The following ADGRG2 variants were observed in gnomAD, a reference collection of about 807,000 sequenced individuals.
ADGRG2 encodes adhesion G protein-coupled receptor G2.
In ADGRG2, 26 loss-of-function variants were observed where a neutral mutation model predicts 74.1. The observed-to-expected ratio is 0.35, with a 90% CI of 0.26 to 0.49. The LOEUF (loss-of-function observed/expected upper bound fraction) is 0.49. Among genes scored for constraint, ADGRG2 ranks in the 20% least tolerant of loss-of-function variants. The pLI is 0.99. For synonymous variants in ADGRG2, 296 were observed against 295.2 expected, an observed-to-expected ratio of 1.00 and a Z score of -0.03; for missense variants, 619 against 763.1, an observed-to-expected ratio of 0.81 and a Z score of 2.22.
At chrX:19,016,845 G>A (rs2060482232) in intron 15 of ADGRG2, among the ~76,000 whole-genome samples, 1 of 108,356 alleles carries the variant, frequency 9.2e-6, no homozygotes, top group African/African-American at 3.3e-5. Flanking sequence ...TCCTACCTCA[G>A]TCTCCCAAGC....
rs749507544 is a variant in ADGRG2 at position 19,003,044 on chromosome X, C to T, written c.2032G>A (p.Val678Ile). ...LCAALLLLNL[V>I]FLLDSWIALY... ...GCAATCCACGAGTCCAGGAGGAAGA[C>T]CAGGTTCAGCAGAAGCAGAGCAGCA... The change falls in exon 24 of 29, where the codon GTC becomes ATC. Residue 678 changes from valine to isoleucine, a missense_variant. Physicochemically the swap from Val to Ile is conservative, Grantham distance 29. This residue lies in a region of ADGRG2 where 221 missense variants were observed against 340.6 expected (regional missense o/e 0.65). Coordinates refer to ENST00000379869, the MANE Select transcript of ADGRG2 (RefSeq NM_001079858.3). 4.2e-6 allele frequency: 5 copies of T among 1,196,402 alleles called. No individual in the cohort carries two copies. The highest frequency in any genetic ancestry group is 5.7e-6 in the Non-Finnish European group (5 of 883,096).
chrX:19,023,469 A>C lies in ADGRG2; in HGVS notation c.511-16T>G, dbSNP rs2060637298. ...TAAAGTAAGTCTGAAACAAAACAAA[A>C]AACACGTATACACATATATGTTACT... On this transcript the variant is annotated splice_polypyrimidine_tract_variant and intron_variant, in intron 12 of 28. Coordinates refer to ENST00000379869, the MANE Select transcript of ADGRG2 (RefSeq NM_001079858.3). 9 of 962,221 alleles carry C rather than the reference A, an allele frequency of 9.4e-6. 1 individual carries two copies. The Admixed American group carries it at 2.1e-4, about 22-fold the overall frequency. 79.3% of individuals were successfully genotyped at this position (962,221 alleles called of 1,213,427 possible).
intron 2 of ADGRG2, 92 bp from the exon 3 acceptor site, chrX:19,068,927 T>C: frequency 2.3e-6 from 1 of 431,602 alleles, no homozygotes; most frequent in East Asian, 3.9e-5. Context: ...CAAGGCAACC[T>C]GTGATCCTGT....
chrX:19,040,082 T>C (rs1297338443), intron 4 of ADGRG2, 107 bp downstream of exon 4: 5 of 569,365 alleles, frequency 8.8e-6, no homozygotes, highest in Non-Finnish European at 1.5e-5. Context: ...ATTAAGCTTC[T>C]TGGAGGAAAA....
chrX:19,104,898 T>TA (rs1227903480), intron 1 of ADGRG2, among the ~76,000 whole-genome samples: 3 of 75,243 alleles, frequency 4.0e-5, no homozygotes, highest in Non-Finnish European at 7.0e-5. Flanking sequence ...GTCTAGGTGA[T>TA]AGAGCGAGAC....
rs769048442 is a variant in ADGRG2 at position 19,082,050 on chromosome X, G to C, written c.-2+652C>G. ...ACTGCGCCACTGCGCTCCTACCTGG[G>C]TGACAGAGGGAGACCCTGTCTCAAA... On this transcript the variant is annotated intron_variant, in intron 2 of 28. Coordinates refer to ENST00000379869, the MANE Select transcript of ADGRG2 (RefSeq NM_001079858.3). Among the ~76,000 whole-genome samples the C allele has an allele frequency of 2.3e-4, 20 of 88,637 alleles. No homozygotes were observed. In the South Asian group the frequency reaches 0.013, roughly 59 times the overall value. 77.0% of individuals were successfully genotyped at this position (88,637 alleles called of 115,157 possible). A position where few individuals can be genotyped will look rare whatever the true frequency, so the allele number is the denominator to read the frequency against.
chrX:19,045,294 G>GTTATTATTATTATTATTATTA lies in ADGRG2; in HGVS notation c.119-5091_119-5071dup, dbSNP rs3056193. Among the ~76,000 whole-genome samples the GTTATTATTATTATTATTATTA allele has an allele frequency of 6.3e-3, 600 of 95,364 alleles. 3 individuals carry two copies. Among genetic ancestry groups the GTTATTATTATTATTATTATTA allele is most frequent in the African/African-American group, 0.015 (398 of 25,857 alleles). The allele number at this position is 95,364 out of a possible 115,157, so 82.8% of individuals were successfully genotyped here. On this transcript the variant is annotated intron_variant, in intron 3 of 28. Coordinates refer to ENST00000379869, the MANE Select transcript of ADGRG2 (RefSeq NM_001079858.3). ...ATCGAATACAGAAATGGGGGGTGTT[G>GTTATTATTATTATTATTATTA]TTATTATTATTATTATTATTATTAT...
At chrX:19,117,811 C>G (rs1456582306) in intron 1 of ADGRG2, among the ~76,000 whole-genome samples, 2 of 110,526 alleles carry the variant, frequency 1.8e-5, no homozygotes, top group Non-Finnish European at 3.8e-5. Context: ...GAGCAGGACT[C>G]TATCTAAATA....
At chrX:19,121,948 C>T (rs943043924) in intron 1 of ADGRG2, among the ~76,000 whole-genome samples, 1 of 111,906 alleles carries the variant, frequency 8.9e-6, no homozygotes, top group Non-Finnish European at 1.9e-5. Flanking sequence ...GTGCCCGGGG[C>T]CACCTGTTCG....
chrX:19,023,917 G>T lies in ADGRG2; in HGVS notation c.502C>A (p.Leu168Ile), dbSNP rs140239916. ...GGGTGCACTATGATTACCTCACTTA[G>T]GGTTTGCAGGGTTTTGTTGAGCTCT... ...RSELNKTLQT[L>I]SETYFIMCAT... is the part of the protein sequence containing the mutation. The change falls in exon 12 of 29, where the codon CTA becomes ATA. Residue 168 changes from leucine to isoleucine, a missense_variant. Coordinates refer to ENST00000379869, the MANE Select transcript of ADGRG2 (RefSeq NM_001079858.3). The T allele has an allele frequency of 1.7e-5, 20 of 1,184,198 alleles. No homozygotes were observed. The African/African-American group carries it at 2.8e-4, about 17-fold the overall frequency.
intron 3 of ADGRG2, among the ~76,000 whole-genome samples, chrX:19,061,989 A>G (rs949287960): frequency 2.7e-5 from 3 of 111,519 alleles, no homozygotes; most frequent in African/African-American, 9.8e-5. Flanking sequence ...CCCATGGTCT[A>G]TTCTTCAGAA....
At chrX:18,995,306 A>G (rs997822874) in intron 27 of ADGRG2, among the ~76,000 whole-genome samples, 1 of 112,234 alleles carries the variant, frequency 8.9e-6, no homozygotes, top group Non-Finnish European at 1.9e-5. Context: ...TTATGTCTAT[A>G]AATATCCATA....
At chrX:19,007,201 G>A in intron 20 of ADGRG2, 34 bp downstream of exon 20, 1 of 1,199,755 alleles carries the variant, frequency 8.3e-7, no homozygotes, top group East Asian at 3.0e-5. Context: ...AGGTGTTCCT[G>A]GTCAATGAAC....
intron 1 of ADGRG2, among the ~76,000 whole-genome samples, chrX:19,117,495 C>T (rs1188336462): frequency 9.1e-6 from 1 of 110,169 alleles, no homozygotes; most frequent in Non-Finnish European, 1.9e-5. Flanking sequence ...ATTAAAAAAA[C>T]CTCCAAAGGT....
chrX:19,019,548 A>ATTTT (rs372068061), intron 15 of ADGRG2, 51 bp downstream of exon 15: 24 of 528,065 alleles, frequency 4.5e-5, no homozygotes, highest in Admixed American at 1.1e-4. Context: ...TAGCATGGTG[A>ATTTT]TTTTTTTTTT....
chrX:19,040,187 A>T lies in ADGRG2; in HGVS notation c.154+2T>A, dbSNP rs2061028587. 1.7e-6 allele frequency: 2 copies of T among 1,147,432 alleles called. No homozygotes were observed. The highest frequency in any genetic ancestry group is 6.0e-5 in the East Asian group (2 of 33,388). The allele number at this position is 1,147,432 out of a possible 1,213,427, so 94.6% of individuals were successfully genotyped here. A position where few individuals can be genotyped will look rare whatever the true frequency, so the allele number is the denominator to read the frequency against. On this transcript the variant is annotated splice_donor_variant, in intron 4 of 28. Coordinates refer to ENST00000379869, the MANE Select transcript of ADGRG2 (RefSeq NM_001079858.3). LOFTEE classifies it high-confidence loss of function. Reference sequence around the variant, plus strand: ...CCCCAGAGTTCTAAAAAAACAACTTACCAGGTGGTGGTGACAAACTGGAAT... The same window carrying T: ...CCCCAGAGTTCTAAAAAAACAACTTTCCAGGTGGTGGTGACAAACTGGAAT...
chrX:19,122,494 C>T (rs1602162011), upstream of ADGRG2: 1 of 111,231 alleles, frequency 9.0e-6, no homozygotes, highest in East Asian at 2.9e-4. Flanking sequence ...CCCGCCTTTT[C>T]CCCTCTCCGG....
At chrX:19,110,900 A>G (rs1392482844) in intron 1 of ADGRG2, among the ~76,000 whole-genome samples, 1 of 111,366 alleles carries the variant, frequency 9.0e-6, no homozygotes, top group Admixed American at 9.6e-5. Context: ...AGGGAATGAC[A>G]CAATCCAACT....
intron 7 of ADGRG2, 128 bp from the exon 8 acceptor site, chrX:19,033,782 C>T (rs1261286866): frequency 2.1e-5 from 8 of 386,735 alleles, no homozygotes; most frequent in African/African-American, 2.6e-5. Context: ...AAGACACTAT[C>T]GGTCATCTCA....
Sources: gnomAD v4.1 joint callset for allele counts (sites outside exome capture counted in the v4.1 genomes callset) on GRCh38, gnomAD v4.1.1 for gene constraint, gnomAD v4.1.1 regional missense constraint, MANE v1.5 for transcripts, NCBI Gene and HGNC (gene_info 2026-07-23, HGNC 2026-07-21) for gene names.